PALM: variants seen among roughly 807,000 people sequenced by gnomAD.
The protein encoded by PALM is paralemmin-1.
PALM carries 18 observed loss-of-function variants against 30.7 expected under a neutral mutation model. The observed-to-expected ratio is 0.59, with a 90% CI of 0.41 to 0.87. The LOEUF is 0.87. Ranked by LOEUF, PALM falls within the 40% of genes least tolerant of loss-of-function variation. The pLI is 0.00. For missense variants in PALM, 529 were observed against 555.4 expected (o/e 0.95, Z 0.48); for synonymous variants, 286 against 242.8 (o/e 1.18, Z -1.66).
chr19:746,227 A>G lies in PALM; in HGVS notation c.635-58A>G, dbSNP rs2059733319. 1 of 1,421,454 alleles carries G rather than the reference A, an allele frequency of 7.0e-7. No individual in the cohort carries two copies. Among genetic ancestry groups the G allele is most frequent in the Non-Finnish European group, 9.8e-7 (1 of 1,021,928 alleles). 88.1% of individuals were successfully genotyped at this position (1,421,454 alleles called of 1,614,324 possible). A position where few individuals can be genotyped will look rare whatever the true frequency, so the allele number is the denominator to read the frequency against. ...GTTTCCCTCCTGCCTGAGCCAGGTC[A>G]CTCTCTCTGTCCCTCCTGCCTGGAG... On this transcript the variant is annotated intron_variant, in intron 8 of 8. Coordinates refer to ENST00000338448, the MANE Select transcript of PALM (RefSeq NM_002579.3). This position sits in a 1 kb window ranked among gnomAD's most constrained non-coding sequence, Gnocchi z 7.1.
chr19:739,936 C>T (rs539377072), intron 7 of PALM, among the ~76,000 whole-genome samples: 3 of 152,128 alleles, frequency 2.0e-5, no homozygotes, highest in Admixed American at 6.6e-5. Flanking sequence ...GTGCTCCAGC[C>T]GGGGCGACAG....
intron 8 of PALM, among the ~76,000 whole-genome samples, chr19:741,790 CAGG>C (rs1910348223): frequency 2.0e-5 from 3 of 152,030 alleles, no homozygotes; most frequent in African/African-American, 7.3e-5. Flanking sequence ...CCAGGGACCC[CAGG>C]AGGAGGAGGG....
At chr19:714,140 T>G (rs1396113926) in intron 1 of PALM, among the ~76,000 whole-genome samples, 2 of 150,060 alleles carry the variant, frequency 1.3e-5, no homozygotes, top group Non-Finnish European at 3.0e-5. Context: ...CTCCTGACCT[T>G]GTGATCTACC....
chr19:726,232 A>T, intron 2 of PALM, 43 bp downstream of exon 2: 1 of 1,574,230 alleles, frequency 6.4e-7, no homozygotes, highest in Non-Finnish European at 8.7e-7. Flanking sequence ...CAGGGTGGGG[A>T]AGTGGGGGGA....
At chr19:732,818 C>T (rs541652364) in intron 5 of PALM, among the ~76,000 whole-genome samples, 89 of 152,132 alleles carry the variant, frequency 5.9e-4, no homozygotes, top group African/African-American at 2.0e-3. Flanking sequence ...AAGCCCAGGG[C>T]GCTGTGGAAT....
chr19:721,083 GC>G (rs911904998), intron 1 of PALM, among the ~76,000 whole-genome samples: 6 of 152,192 alleles, frequency 3.9e-5, no homozygotes, highest in African/African-American at 1.4e-4. Flanking sequence ...GGAAGAAGGT[GC>G]CGGGCAGGGG....
intron 1 of PALM, among the ~76,000 whole-genome samples, chr19:725,612 C>T (rs1281623937): frequency 6.6e-6 from 1 of 152,142 alleles, no homozygotes; most frequent in Non-Finnish European, 1.5e-5. Context: ...GGGTTGAATC[C>T]GGACTTGGAT....
intron 2 of PALM, 23 bp from the exon 3 acceptor site, chr19:726,985 A>AACCCC: frequency 3.2e-6 from 3 of 945,356 alleles, no homozygotes; most frequent in Non-Finnish European, 4.9e-6. Flanking sequence ...CCCATCCCTG[A>AACCCC]CCCCACCCGG....
chr19:734,059 T>C, intron 5 of PALM, 114 bp from the exon 6 acceptor site: 1 of 842,134 alleles, frequency 1.2e-6, no homozygotes, highest in South Asian at 1.4e-5. Flanking sequence ...GAGAAGCGGG[T>C]GCGTATGACG....
At chr19:736,253 G>A (rs2033021752) in intron 7 of PALM, 175 bp downstream of exon 7, 4 of 542,346 alleles carry the variant, frequency 7.4e-6, no homozygotes, top group Non-Finnish European at 1.3e-5. Flanking sequence ...GCCTGGGGTG[G>A]GGGCCCCCTC....
chr19:740,300 G>C lies in PALM; in HGVS notation c.503-52G>C, dbSNP rs1006928206. The stretch of plus-strand genomic sequence containing the variant: ...CCCTGGCTTGGCCGCAGCCCGGCGG[G>C]GGGGTGCGGGGGCGGGCAGGCCGTG... On this transcript the variant is annotated intron_variant, in intron 7 of 8. Transcript: ENST00000338448. The C allele has an allele frequency of 8.1e-5, 122 of 1,503,994 alleles. 1 individual carries two copies. In the East Asian group the frequency reaches 3.0e-3, roughly 37 times the overall value. 93.2% of individuals were successfully genotyped at this position (1,503,994 alleles called of 1,614,324 possible). A position where few individuals can be genotyped will look rare whatever the true frequency, so the allele number is the denominator to read the frequency against.
rs202040022 is a variant in PALM, at chr19:727,128, C to T, written c.138+40C>T. 7.8e-4 allele frequency: 1,069 copies of T among 1,367,200 alleles called. 6 individuals are homozygous for T. Among genetic ancestry groups the T allele is most frequent in the South Asian group, 5.5e-3 (445 of 80,412 alleles). 84.7% of individuals were successfully genotyped at this position (1,367,200 alleles called of 1,614,324 possible). ...GGGACCCAGGGTCAGGGAGTGCAGG[C>T]GGCTGTGAGGCGGAGGCCCCGGACT... On this transcript the variant is annotated intron_variant, in intron 3 of 8. Transcript: ENST00000338448.
chr19:742,536 C>T lies in PALM; in HGVS notation c.634+2053C>T, dbSNP rs746150588. 3.6e-4 allele frequency among the ~76,000 whole-genome samples: 55 copies of T among 151,130 alleles called. No homozygotes were observed. The highest frequency in any genetic ancestry group is 1.2e-3 in the African/African-American group (50 of 41,062). On this transcript the variant is annotated intron_variant, in intron 8 of 8. Transcript: ENST00000338448. The surrounding 1 kb of genome is among the most constrained non-coding windows in gnomAD (Gnocchi z 5.5). ...AGGAGAATCACTTGAACCCAGGAGGCGGAGGTTGCAGTGAGCCGAGATCGC... is the reference window on the plus strand; with the variant it reads ...AGGAGAATCACTTGAACCCAGGAGGTGGAGGTTGCAGTGAGCCGAGATCGC...
At chr19:736,254 G>A (rs2033021809) in intron 7 of PALM, 176 bp downstream of exon 7, 2 of 539,912 alleles carry the variant, frequency 3.7e-6, no homozygotes, top group Non-Finnish European at 6.4e-6. Context: ...CCTGGGGTGG[G>A]GGCCCCCTCT....
At chr19:727,401 C>G (rs77432625) in intron 3 of PALM, among the ~76,000 whole-genome samples, 163 bp from the exon 4 acceptor site, 5,894 of 151,976 alleles carry the variant, frequency 0.039, 150 homozygotes, top group South Asian at 0.08. Flanking sequence ...GACCCCCAAC[C>G]TCGATTGTGA....
rs868171826 is a variant in PALM, at chr19:709,383, G to T, written c.5+232G>T. On this transcript the variant is annotated intron_variant, in intron 1 of 8. Coordinates refer to ENST00000338448, the MANE Select transcript of PALM (RefSeq NM_002579.3). This position sits in a 1 kb window ranked among gnomAD's most constrained non-coding sequence, Gnocchi z 4.3. The stretch of plus-strand genomic sequence containing the variant: ...CCCGGCTGCCCACCCACCGGCGCGT[G>T]GGGACCCGGGCAGCGGCGGCTCGGG... Among the ~76,000 whole-genome samples, 6 of 151,668 alleles carry T rather than the reference G, an allele frequency of 4.0e-5. No homozygotes were observed. Among genetic ancestry groups the T allele is most frequent in the African/African-American group, 1.4e-4 (6 of 41,456 alleles).
intron 2 of PALM, among the ~76,000 whole-genome samples, chr19:726,792 C>T (rs927196003): frequency 3.9e-5 from 6 of 152,224 alleles, no homozygotes; most frequent in Admixed American, 6.5e-5. Context: ...CGTGAGCCAC[C>T]GTGCCCGGCC....
chr19:723,898 C>T (rs1428531439), intron 1 of PALM, among the ~76,000 whole-genome samples: 1 of 151,742 alleles, frequency 6.6e-6, no homozygotes, highest in Admixed American at 6.6e-5. Context: ...GCCCGGCCTG[C>T]TTTTTGCATT....
intron 6 of PALM, among the ~76,000 whole-genome samples, chr19:735,339 G>A (rs1415519031): frequency 2.1e-5 from 3 of 143,526 alleles, no homozygotes; most frequent in Admixed American, 6.8e-5. Context: ...GCCTGTGTCC[G>A]GGTGTCTGGG....
Sources: allele counts gnomAD v4.1 joint callset (sites outside exome capture counted in the v4.1 genomes callset), GRCh38; gene constraint gnomAD v4.1.1; non-coding constraint Gnocchi (gnomAD v3.1); transcripts MANE v1.5; gene names NCBI Gene and HGNC (gene_info 2026-07-23, HGNC 2026-07-21).